The following FCHSD2 variants were observed in gnomAD, a reference collection of about 807,000 sequenced individuals.
FCHSD2 encodes FCH and double SH3 domains 2.
A neutral mutation model predicts 108.1 loss-of-function variants in FCHSD2; 38 were observed. The ratio of observed to expected loss-of-function variants is 0.35; its 90% confidence interval spans 0.27 to 0.46. The LOEUF (loss-of-function observed/expected upper bound fraction) is 0.46. Ranked by LOEUF, FCHSD2 falls within the 20% of genes least tolerant of loss-of-function variation. The pLI is 1.00. For missense variants in FCHSD2, 751 were observed against 897.8 expected (o/e 0.84, Z 2.09); for synonymous variants, 279 against 314.7 (o/e 0.89, Z 1.20).
At chr11:72,860,618 G>C (rs1861546661) in intron 13 of FCHSD2, among the ~76,000 whole-genome samples, 1 of 152,166 alleles carries the variant, frequency 6.6e-6, no homozygotes, top group African/African-American at 2.4e-5. Context: ...GCTGAGGTGG[G>C]TGAATCGCTA....
intron 10 of FCHSD2, among the ~76,000 whole-genome samples, chr11:72,895,996 T>C (rs1323872269): frequency 6.6e-6 from 1 of 152,202 alleles, no homozygotes; most frequent in Non-Finnish European, 1.5e-5. Flanking sequence ...TAACCCCATG[T>C]AGACTTTTAT....
chr11:73,109,805 C>T (rs1392557669), intron 2 of FCHSD2, among the ~76,000 whole-genome samples: 1 of 152,122 alleles, frequency 6.6e-6, no homozygotes, highest in Non-Finnish European at 1.5e-5. Flanking sequence ...TTCAGTCTTC[C>T]CCATTCAGTG....
intron 6 of FCHSD2, among the ~76,000 whole-genome samples, chr11:72,988,624 A>G (rs952231398): frequency 1.4e-4 from 22 of 152,200 alleles, no homozygotes; most frequent in Admixed American, 1.0e-3. Flanking sequence ...AGCATGAGAA[A>G]AATGAGGCTC....
intron 2 of FCHSD2, among the ~76,000 whole-genome samples, chr11:73,098,425 G>T (rs1379326617): frequency 2.6e-5 from 4 of 151,972 alleles, no homozygotes; most frequent in Non-Finnish European, 5.9e-5. Flanking sequence ...ATATGATTTT[G>T]ATCTTTTAAA....
At chr11:72,865,685 T>C (rs185280509) in intron 13 of FCHSD2, among the ~76,000 whole-genome samples, 142 of 152,164 alleles carry the variant, frequency 9.3e-4, no homozygotes, top group Non-Finnish European at 1.9e-4. Context: ...TCCCTATTCT[T>C]CTAGCTGATA....
At chr11:73,090,735 T>C (rs1859937118) in intron 2 of FCHSD2, among the ~76,000 whole-genome samples, 1 of 152,182 alleles carries the variant, frequency 6.6e-6, no homozygotes, top group African/African-American at 2.4e-5. Flanking sequence ...GAATGTAAAC[T>C]ATGTGCATAT....
intron 8 of FCHSD2, chr11:72,940,696 C>T (rs1447066259): frequency 9.2e-7 from 1 of 1,089,978 alleles, no homozygotes; most frequent in Non-Finnish European, 1.4e-6. Flanking sequence ...GATTCATGTT[C>T]ACCGTGGTGG....
intron 7 of FCHSD2, among the ~76,000 whole-genome samples, chr11:72,984,482 C>G (rs1047173374): frequency 1.3e-4 from 20 of 152,150 alleles, no homozygotes; most frequent in Non-Finnish European, 2.9e-5. Context: ...AATATTTTGC[C>G]CATTTATTCA....
chr11:72,900,224 A>AAAAC, intron 10 of FCHSD2: 1 of 582,254 alleles, frequency 1.7e-6, no homozygotes, highest in Non-Finnish European at 3.3e-6. Context: ...CACACTTCCC[A>AAAAC]TCCCTCCCGC....
At chr11:72,911,279 T>C (rs145550076) in intron 9 of FCHSD2, among the ~76,000 whole-genome samples, 1 of 152,236 alleles carries the variant, frequency 6.6e-6, no homozygotes, top group Non-Finnish European at 1.5e-5. Context: ...GACAACTTTG[T>C]CAAAAATGAG....
At chr11:73,079,245 G>A (rs1859627125) in intron 3 of FCHSD2, among the ~76,000 whole-genome samples, 1 of 150,494 alleles carries the variant, frequency 6.6e-6, no homozygotes, top group Admixed American at 6.6e-5. Context: ...TGCCCAGGCT[G>A]GAGTGTGGTG....
chr11:73,116,450 A>C (rs1053466866), intron 2 of FCHSD2, among the ~76,000 whole-genome samples: 4 of 152,192 alleles, frequency 2.6e-5, no homozygotes, highest in Admixed American at 2.6e-4. Context: ...TCCATAAAAT[A>C]AGTATTATCT....
intron 3 of FCHSD2, among the ~76,000 whole-genome samples, chr11:73,032,388 T>A (rs972601137): frequency 2.6e-5 from 4 of 152,158 alleles, no homozygotes; most frequent in African/African-American, 9.6e-5. Context: ...ATTGCCTGGT[T>A]AATTTTTTTA....
intron 5 of FCHSD2, among the ~76,000 whole-genome samples, chr11:72,993,175 C>T (rs969544348): frequency 2.6e-5 from 4 of 151,664 alleles, no homozygotes; most frequent in African/African-American, 9.7e-5. Context: ...TCATCACTGG[C>T]CATCAGAGAA....
In FCHSD2 at chr11:73,046,375, A is replaced by T. The variant is rs149408946; in HGVS notation, c.166-30490T>A. 9.8e-5 allele frequency among the ~76,000 whole-genome samples: 15 copies of T among 152,350 alleles called. 2 individuals are homozygous for T. Among genetic ancestry groups the T allele is most frequent in the African/African-American group, 3.6e-4 (15 of 41,572 alleles). On this transcript the variant is annotated intron_variant, in intron 3 of 19. Transcript: ENST00000409418. ...TAAAAAAGATATGAATGGCCAATAC[A>T]GCAAGAATGCATTGTAAATAGCTAC...
At chr11:72,941,961 A>C (rs930685547) in intron 8 of FCHSD2, among the ~76,000 whole-genome samples, 1 of 152,256 alleles carries the variant, frequency 6.6e-6, no homozygotes, top group Non-Finnish European at 1.5e-5. Flanking sequence ...ATGGCATATT[A>C]ATATGATCAA....
chr11:72,916,410 T>A lies in FCHSD2; in HGVS notation c.828+5418A>T, dbSNP rs115382841. ...CTGCTGCAGCTTCCAATTCCTGGGC[T>A]CAAGTAATCCTCCCACTTGGGCCTC... On this transcript the variant is annotated intron_variant, in intron 9 of 19. Transcript: ENST00000409418. Among the ~76,000 whole-genome samples, 873 of 150,990 alleles carry A rather than the reference T, an allele frequency of 5.8e-3. 9 individuals carry two copies. The highest frequency in any genetic ancestry group is 0.02 in the African/African-American group (835 of 41,116).
At chr11:73,044,459 A>T (rs193048075) in intron 3 of FCHSD2, among the ~76,000 whole-genome samples, 1 of 152,216 alleles carries the variant, frequency 6.6e-6, no homozygotes, top group Non-Finnish European at 1.5e-5. Flanking sequence ...ACACACCTAT[A>T]GTCCTAGCTA....
intron 8 of FCHSD2, among the ~76,000 whole-genome samples, chr11:72,950,073 G>C (rs998373947): frequency 2.0e-5 from 3 of 152,034 alleles, no homozygotes; most frequent in Non-Finnish European, 2.9e-5. Context: ...AGTCATCCTA[G>C]CGGATGTGAA....
Sources: allele counts gnomAD v4.1 joint callset (sites outside exome capture counted in the v4.1 genomes callset), GRCh38; gene constraint gnomAD v4.1.1; transcripts MANE v1.5; gene names NCBI Gene and HGNC (gene_info 2026-07-23, HGNC 2026-07-21).